Variants in PCDHGB4 observed in about 807,000 individuals in gnomAD.
The protein encoded by PCDHGB4 is protocadherin gamma subfamily B, 4.
A neutral mutation model predicts 60.5 loss-of-function variants in PCDHGB4; 38 were observed. The ratio of observed to expected loss-of-function variants is 0.63; its 90% confidence interval spans 0.48 to 0.82. The LOEUF is 0.82. Among genes scored for constraint, PCDHGB4 ranks in the 40% least tolerant of loss-of-function variants. The pLI is 0.00. For missense variants in PCDHGB4, 1,109 were observed against 1,209.6 expected (o/e 0.92, Z 1.23); for synonymous variants, 456 against 509.7 (o/e 0.89, Z 1.42).
chr5:141,472,132 A>C (rs1004365239), intron 1 of PCDHGB4, among the ~76,000 whole-genome samples: 3 of 152,272 alleles, frequency 2.0e-5, no homozygotes, highest in African/African-American at 7.2e-5. Flanking sequence ...GAGAAGTTAA[A>C]AATAAAAGTT....
At position 141,388,157 on chromosome 5, in the gene PCDHGB4, C is replaced by T. The variant is rs750936402; in HGVS notation, c.273C>T (p.Asp91=). Reference sequence around the variant, plus strand: ...AGTTGCTTGTGAGCAGCAGGCTAGACAGGGAGGAGATATGCGGGAAGAAGC... The same window carrying T: ...AGTTGCTTGTGAGCAGCAGGCTAGATAGGGAGGAGATATGCGGGAAGAAGC... ...SGELLVSSRL[D]REEICGKKPA... is the part of the protein sequence containing the mutation. The change falls in exon 1 of 4, where the codon GAC becomes GAT. Residue 91 remains aspartate, a synonymous_variant. Coordinates refer to ENST00000519479, the MANE Select transcript of PCDHGB4 (RefSeq NM_003736.4). 1.4e-6 allele frequency: 2 copies of T among 1,469,104 alleles called. No individual in the cohort carries two copies. The highest frequency in any genetic ancestry group is 1.9e-6 in the Non-Finnish European group (2 of 1,062,334). 91.0% of individuals were successfully genotyped at this position (1,469,104 alleles called of 1,614,324 possible). A position where few individuals can be genotyped will look rare whatever the true frequency, so the allele number is the denominator to read the frequency against.
chr5:141,388,631 G>T lies in PCDHGB4; in HGVS notation c.747G>T (p.Val249=). 1.2e-6 allele frequency: 2 copies of T among 1,613,960 alleles called. No homozygotes were observed. The highest frequency in any genetic ancestry group is 1.7e-6 in the Non-Finnish European group (2 of 1,179,890). ...TGTTCAGTCAAGACGTATACAGGGT[G>T]AGCCTTTCAGAAAACGTGTACCCGG... ...APVFSQDVYR[V]SLSENVYPGT... is the part of the protein sequence containing the mutation. The change falls in exon 1 of 4, where the codon GTG becomes GTT. Residue 249 remains valine, a synonymous_variant. Transcript: ENST00000519479.
chr5:141,510,954 T>G lies in PCDHGB4; in HGVS notation c.2553T>G (p.Ala851=), dbSNP rs774590102. The change falls in exon 4 of 4, where the codon GCT becomes GCG. Residue 851 remains alanine, a synonymous_variant. Coordinates refer to ENST00000519479, the MANE Select transcript of PCDHGB4 (RefSeq NM_003736.4). ...AMILASASEA[A]DGSSTLGGGA... ...CTTCCTCTGTCTCTGCAGAAGCTGC[T>G]GATGGGAGCTCCACCCTGGGAGGGG... is the stretch of plus-strand genomic sequence containing the variant. The G allele has an allele frequency of 3.1e-6, 5 of 1,614,162 alleles. No homozygotes were observed. The Admixed American group carries it at 8.3e-5, about 27-fold the overall frequency.
intron 3 of PCDHGB4, among the ~76,000 whole-genome samples, chr5:141,509,722 C>A (rs919655821): frequency 5.9e-5 from 9 of 152,140 alleles, no homozygotes; most frequent in African/African-American, 2.2e-4. Flanking sequence ...CTGATGTCAC[C>A]TAGCTGTGGC....
chr5:141,408,729 C>T (rs767933076), intron 1 of PCDHGB4: 9 of 1,610,240 alleles, frequency 5.6e-6, no homozygotes, highest in Non-Finnish European at 7.6e-6. Flanking sequence ...AACTCTAATC[C>T]TTATTTTTCA....
chr5:141,486,816 C>G lies in PCDHGB4; in HGVS notation c.2398-7991C>G. The G allele has an allele frequency of 6.2e-7, 1 of 1,614,252 alleles. No individual in the cohort carries two copies. Among genetic ancestry groups the G allele is most frequent in the East Asian group, 2.2e-5 (1 of 44,884 alleles). ...CGGGGCAACCCACCCCTTAGCAGCACTGTAACAGTTCGTCTATTTGTGCTG... is the reference window on the plus strand; with the variant it reads ...CGGGGCAACCCACCCCTTAGCAGCAGTGTAACAGTTCGTCTATTTGTGCTG... On this transcript the variant is annotated intron_variant, in intron 1 of 3. Coordinates refer to ENST00000519479, the MANE Select transcript of PCDHGB4 (RefSeq NM_003736.4). The surrounding 1 kb of genome is among the most constrained non-coding windows in gnomAD (Gnocchi z 5.0).
At chr5:141,450,817 A>T (rs1302552522) in intron 1 of PCDHGB4, among the ~76,000 whole-genome samples, 1 of 137,468 alleles carries the variant, frequency 7.3e-6, no homozygotes, top group Non-Finnish European at 1.5e-5. Context: ...TTTATTTAAT[A>T]TTATTATTAT....
intron 1 of PCDHGB4, among the ~76,000 whole-genome samples, chr5:141,465,017 C>T (rs1278815002): frequency 6.6e-6 from 1 of 152,132 alleles, no homozygotes; most frequent in Non-Finnish European, 1.5e-5. Context: ...GCTAAGATTA[C>T]AGCCATGAAC....
In PCDHGB4 at chr5:141,489,483, T is replaced by C. The variant is rs2099687756; in HGVS notation, c.2398-5324T>C. ...GCTATTTTTCCCTGAGCTTGATGAGTGGTGCCCTGGCAGTGAATCAAAAGA... is the reference window on the plus strand; with the variant it reads ...GCTATTTTTCCCTGAGCTTGATGAGCGGTGCCCTGGCAGTGAATCAAAAGA... On this transcript the variant is annotated intron_variant, in intron 1 of 3. Coordinates refer to ENST00000519479, the MANE Select transcript of PCDHGB4 (RefSeq NM_003736.4). This position sits in a 1 kb window ranked among gnomAD's most constrained non-coding sequence, Gnocchi z 4.5. 1 of 1,613,862 alleles carries C rather than the reference T, an allele frequency of 6.2e-7. No individual in the cohort carries two copies. The highest frequency in any genetic ancestry group is 1.1e-5 in the South Asian group (1 of 91,078).
At chr5:141,425,448 C>G (rs897473729) in intron 1 of PCDHGB4, among the ~76,000 whole-genome samples, 1 of 152,164 alleles carries the variant, frequency 6.6e-6, no homozygotes, top group African/African-American at 2.4e-5. Flanking sequence ...AAATAAAACA[C>G]CATCACATTT....
chr5:141,444,762 T>A (rs767523211), intron 1 of PCDHGB4, among the ~76,000 whole-genome samples: 2 of 152,248 alleles, frequency 1.3e-5, no homozygotes, highest in Non-Finnish European at 2.9e-5. Flanking sequence ...TAGTTCTATT[T>A]CTATATTCTT....
chr5:141,399,643 C>T, intron 1 of PCDHGB4: 1 of 1,613,832 alleles, frequency 6.2e-7, no homozygotes, highest in Non-Finnish European at 8.5e-7. Context: ...CATGAGCGCG[C>T]AAAGTGGGGT....
chr5:141,397,092 G>A (rs1422724446), intron 1 of PCDHGB4, among the ~76,000 whole-genome samples: 3 of 152,136 alleles, frequency 2.0e-5, no homozygotes, highest in South Asian at 2.1e-4. Flanking sequence ...ATTTCAGATA[G>A]GATAATAATG....
rs750139205 is a variant in PCDHGB4 at position 141,489,738 on chromosome 5, T to C, written c.2398-5069T>C. Reference sequence around the variant, plus strand: ...AGGATCCGGATGTGGGCACCAATACTGTGAGCTTTTACACTCTAAGCCCCA... The same window carrying C: ...AGGATCCGGATGTGGGCACCAATACCGTGAGCTTTTACACTCTAAGCCCCA... On this transcript the variant is annotated intron_variant, in intron 1 of 3. Coordinates refer to ENST00000519479, the MANE Select transcript of PCDHGB4 (RefSeq NM_003736.4). This position sits in a 1 kb window ranked among gnomAD's most constrained non-coding sequence, Gnocchi z 4.5. 1 of 1,614,168 alleles carries C rather than the reference T, an allele frequency of 6.2e-7. No individual in the cohort carries two copies. Among genetic ancestry groups the C allele is most frequent in the Non-Finnish European group, 8.5e-7 (1 of 1,180,030 alleles).
chr5:141,418,869 T>A (rs1261615662), intron 1 of PCDHGB4: 1 of 1,613,830 alleles, frequency 6.2e-7, no homozygotes, highest in Non-Finnish European at 8.5e-7. Flanking sequence ...ATTGTAGAAG[T>A]TGTAGACGAA....
chr5:141,473,988 G>A (rs1006988447), intron 1 of PCDHGB4, among the ~76,000 whole-genome samples: 1 of 152,118 alleles, frequency 6.6e-6, no homozygotes, highest in African/African-American at 2.4e-5. Flanking sequence ...AGGATCCCTT[G>A]AGCCCAAGGA....
At chr5:141,442,837 A>C (rs2098346617) in intron 1 of PCDHGB4, among the ~76,000 whole-genome samples, 1 of 152,202 alleles carries the variant, frequency 6.6e-6, no homozygotes, top group South Asian at 2.1e-4. Flanking sequence ...GGGAGGGACA[A>C]ATCTTGGCCA....
chr5:141,427,839 G>T, intron 1 of PCDHGB4: 1 of 1,547,310 alleles, frequency 6.5e-7, no homozygotes, highest in Non-Finnish European at 8.8e-7. Flanking sequence ...GCGTGCCTTC[G>T]ACCACGAGCA....
intron 1 of PCDHGB4, chr5:141,418,363 C>T (rs147423305): frequency 4.4e-4 from 703 of 1,613,984 alleles, no homozygotes; most frequent in Non-Finnish European, 5.5e-4. Flanking sequence ...ATTCGCTGAG[C>T]AAATACCAAC....
Sources: gnomAD v4.1 joint callset for allele counts (sites outside exome capture counted in the v4.1 genomes callset) on GRCh38, gnomAD v4.1.1 for gene constraint, Gnocchi (gnomAD v3.1) non-coding constraint, MANE v1.5 for transcripts, NCBI Gene and HGNC (gene_info 2026-07-23, HGNC 2026-07-21) for gene names.